EPC2: variants seen among roughly 807,000 people sequenced by gnomAD.
The protein encoded by EPC2 is enhancer of polycomb 2.
EPC2 carries 14 observed loss-of-function variants against 92.1 expected under a neutral mutation model. The ratio of observed to expected loss-of-function variants is 0.15; its 90% confidence interval spans 0.10 to 0.24. EPC2 has a LOEUF of 0.24. Ranked by LOEUF, EPC2 falls within the 10% of genes least tolerant of loss-of-function variation. EPC2 has a pLI of 1.00. For synonymous variants in EPC2, 340 were observed against 334.7 expected (o/e 1.02, Z -0.17); for missense variants, 755 against 971.5 (o/e 0.78, Z 2.96).
chr2:148,680,569 G>C (rs1306883500), intron 1 of EPC2, among the ~76,000 whole-genome samples: 1 of 152,186 alleles, frequency 6.6e-6, no homozygotes, highest in East Asian at 1.9e-4. Context: ...TGTTCACTTA[G>C]AAAGCCTCTG....
At chr2:148,757,300 C>T (rs150171857) in intron 4 of EPC2, among the ~76,000 whole-genome samples, 10 of 152,176 alleles carry the variant, frequency 6.6e-5, no homozygotes, top group African/African-American at 1.4e-4. Context: ...CACTTGAACC[C>T]GGGAGGCGGA....
intron 2 of EPC2, among the ~76,000 whole-genome samples, chr2:148,710,733 A>T (rs1024406765): frequency 6.6e-5 from 10 of 152,212 alleles, no homozygotes; most frequent in African/African-American, 2.2e-4. Context: ...ATTCTCAGCA[A>T]ACCATTGCAA....
In EPC2 at chr2:148,787,421, G is replaced by C. The variant is rs1683892343; in HGVS notation, c.*1044G>C. The C allele has an allele frequency of 6.6e-6, 1 of 152,582 alleles. No individual in the cohort carries two copies. The highest frequency in any genetic ancestry group is 1.5e-5 in the Non-Finnish European group (1 of 68,034). 9.5% of individuals were successfully genotyped at this position (152,582 alleles called of 1,614,324 possible). Reference sequence around the variant, plus strand: ...GACACCTTCATAGTGTAGTGTTTTAGTGACTTTTTTTATACGGTTCTTGTA... The same window carrying C: ...GACACCTTCATAGTGTAGTGTTTTACTGACTTTTTTTATACGGTTCTTGTA... On this transcript the variant is annotated 3_prime_UTR_variant, in exon 14 of 14. Transcript: ENST00000258484.
chr2:148,769,182 A>G lies in EPC2; in HGVS notation c.1172A>G (p.Glu391Gly). 6.2e-7 allele frequency: 1 copy of G among 1,612,870 alleles called. No individual in the cohort carries two copies. Among genetic ancestry groups the G allele is most frequent in the East Asian group, 2.2e-5 (1 of 44,854 alleles). ...VLSPVSEPEE[E>G]NDPDGPCAFR... is the part of the protein sequence containing the mutation. ...TCCCCAGTATCAGAACCGGAAGAAG[A>G]AAATGATCCTGATGGTCCCTGTGCT... Residue 391 changes from glutamate (E) to glycine (G), a missense_variant, in exon 8 of 14, where the codon GAA becomes GGA. Physicochemically the swap from Glu to Gly is moderately conservative, Grantham distance 98. Coordinates refer to ENST00000258484, the MANE Select transcript of EPC2 (RefSeq NM_015630.4).
chr2:148,689,181 AT>A (rs754482607), intron 1 of EPC2, among the ~76,000 whole-genome samples: 105 of 145,184 alleles, frequency 7.2e-4, no homozygotes, highest in South Asian at 6.5e-4. Flanking sequence ...ATTGAGTGAA[AT>A]TTTTTTTTTT....
At chr2:148,693,854 C>T (rs149687783) in intron 2 of EPC2, among the ~76,000 whole-genome samples, 2 of 152,284 alleles carry the variant, frequency 1.3e-5, no homozygotes, top group East Asian at 3.9e-4. Flanking sequence ...TGACGTCTCT[C>T]AGCATTGTTC....
intron 1 of EPC2, among the ~76,000 whole-genome samples, chr2:148,645,726 G>A (rs1484823121): frequency 6.6e-6 from 1 of 152,140 alleles, no homozygotes; most frequent in Non-Finnish European, 1.5e-5. Context: ...GGCGGGGGAG[G>A]GCGGGGGCCA....
intron 10 of EPC2, among the ~76,000 whole-genome samples, chr2:148,776,856 C>CTTTTTTTTTTTTTTTTTT (rs56073706): frequency 6.9e-5 from 7 of 101,028 alleles, no homozygotes; most frequent in Admixed American, 1.2e-4. Context: ...GTCTCTCTCT[C>CTTTTTTTTTTTTTTTTTT]TTTTTTTTTT....
At chr2:148,712,492 A>G (rs1000122373) in intron 2 of EPC2, among the ~76,000 whole-genome samples, 9 of 152,348 alleles carry the variant, frequency 5.9e-5, no homozygotes, top group Admixed American at 1.3e-4. Flanking sequence ...AATGGAACCG[A>G]AAAATTCTTA....
intron 2 of EPC2, among the ~76,000 whole-genome samples, chr2:148,699,796 A>G (rs1681836239): frequency 6.6e-6 from 1 of 152,186 alleles, no homozygotes; most frequent in African/African-American, 2.4e-5. Flanking sequence ...GTTTTATAAG[A>G]AGCTGCCAAA....
intron 1 of EPC2, among the ~76,000 whole-genome samples, chr2:148,663,673 C>T (rs1450936093): frequency 8.2e-6 from 1 of 122,046 alleles, no homozygotes; most frequent in African/African-American, 3.2e-5. Flanking sequence ...CTTTCTTATT[C>T]ACTCTATAGC....
intron 7 of EPC2, among the ~76,000 whole-genome samples, chr2:148,767,824 G>A (rs1292597408): frequency 6.6e-6 from 1 of 152,158 alleles, no homozygotes; most frequent in Admixed American, 6.5e-5. Flanking sequence ...TAGGAGGAAG[G>A]GGTGATAGAT....
intron 1 of EPC2, among the ~76,000 whole-genome samples, chr2:148,671,761 C>T (rs1251198242): frequency 1.3e-5 from 2 of 152,130 alleles, no homozygotes; most frequent in African/African-American, 4.8e-5. Context: ...TCTTAACCAT[C>T]TTTGAGTAAG....
At chr2:148,753,275 A>G (rs1683113275) in intron 3 of EPC2, among the ~76,000 whole-genome samples, 1 of 152,218 alleles carries the variant, frequency 6.6e-6, no homozygotes, top group African/African-American at 2.4e-5. Context: ...CTGTCCCAGG[A>G]CATGACATTG....
At chr2:148,706,857 A>G (rs1430054167) in intron 2 of EPC2, among the ~76,000 whole-genome samples, 1 of 152,210 alleles carries the variant, frequency 6.6e-6, no homozygotes, top group Non-Finnish European at 1.5e-5. Flanking sequence ...AGCACTAAAC[A>G]TGGAAAGGAA....
At chr2:148,741,322 T>G (rs909783071) in intron 2 of EPC2, among the ~76,000 whole-genome samples, 8 of 152,174 alleles carry the variant, frequency 5.3e-5, no homozygotes, top group Non-Finnish European at 1.0e-4. Context: ...CCCATAGTAC[T>G]ATATAAGTTT....
chr2:148,691,089 C>T (rs981534793), intron 2 of EPC2, among the ~76,000 whole-genome samples: 1 of 152,252 alleles, frequency 6.6e-6, no homozygotes, highest in African/African-American at 2.4e-5. Context: ...AGTTCTGCCT[C>T]CTTAATACTC....
chr2:148,750,741 G>A (rs570553626), intron 3 of EPC2, among the ~76,000 whole-genome samples: 2 of 152,172 alleles, frequency 1.3e-5, no homozygotes, highest in East Asian at 3.9e-4. Context: ...TTCTTGAAGA[G>A]TATAAGGTAA....
chr2:148,745,599 C>T (rs1682972084), intron 3 of EPC2, among the ~76,000 whole-genome samples: 1 of 152,056 alleles, frequency 6.6e-6, no homozygotes, highest in Non-Finnish European at 1.5e-5. Context: ...AGTAGCTAGG[C>T]ACAGAGCATG....
Sources: gnomAD v4.1 joint callset for allele counts (sites outside exome capture counted in the v4.1 genomes callset) on GRCh38, gnomAD v4.1.1 for gene constraint, MANE v1.5 for transcripts, NCBI Gene and HGNC (gene_info 2026-07-23, HGNC 2026-07-21) for gene names.